HMCN1: variants seen among roughly 807,000 people sequenced by gnomAD.
The protein encoded by HMCN1 is hemicentin-1.
Under a neutral mutation model 625.9 loss-of-function variants are expected in HMCN1, and 321 were observed. That is an observed-to-expected ratio of 0.51 (90% CI 0.47 to 0.56). The LOEUF (loss-of-function observed/expected upper bound fraction) is 0.56. Among genes scored for constraint, HMCN1 ranks in the 20% least tolerant of loss-of-function variants. The pLI is 0.00. For missense variants in HMCN1, 6,588 were observed against 6,887.3 expected, an observed-to-expected ratio of 0.96 and a Z score of 1.54; for synonymous variants, 2,425 against 2,417.6, an observed-to-expected ratio of 1.00 and a Z score of -0.09.
Position 186,003,857 on chromosome 1 carries a change from T to A in HMCN1, c.4475+13T>A, listed in dbSNP as rs745566170. The stretch of plus-strand genomic sequence containing the variant: ...TCAAAGATGGCAAGTGAGTATCTTT[T>A]CTGTATTTGTTGCAAGGTTTCAATG... On this transcript the variant is annotated intron_variant, in intron 29 of 106. Coordinates refer to ENST00000271588, the MANE Select transcript of HMCN1 (RefSeq NM_031935.3). 1 of 1,612,578 alleles carries A rather than the reference T, an allele frequency of 6.2e-7. No homozygotes were observed. The highest frequency in any genetic ancestry group is 1.1e-5 in the South Asian group (1 of 91,068).
intron 1 of HMCN1, among the ~76,000 whole-genome samples, chr1:185,752,831 A>G (rs1654902196): frequency 6.6e-6 from 1 of 152,198 alleles, no homozygotes; most frequent in Non-Finnish European, 1.5e-5. Context: ...TATACTTCCC[A>G]TTAGGCTAGC....
At chr1:185,796,636 G>C (rs961753182) in intron 1 of HMCN1, among the ~76,000 whole-genome samples, 25 of 152,074 alleles carry the variant, frequency 1.6e-4, no homozygotes, top group African/African-American at 6.0e-4. Context: ...CTGTGTGTGT[G>C]TGTGTGTGTG....
chr1:186,136,096 A>C (rs1377760183), intron 86 of HMCN1, among the ~76,000 whole-genome samples: 1 of 152,074 alleles, frequency 6.6e-6, no homozygotes, highest in African/African-American at 2.4e-5. Context: ...GAATTGCTTG[A>C]ACCCTGGAGG....
At chr1:186,074,920 G>A (rs1441665588) in intron 53 of HMCN1, 29 bp downstream of exon 53, 7 of 1,519,914 alleles carry the variant, frequency 4.6e-6, no homozygotes, top group Non-Finnish European at 6.4e-6. Flanking sequence ...TGTATATAAT[G>A]TAATTTATAT....
chr1:185,818,242 G>T (rs1659963945), intron 1 of HMCN1, among the ~76,000 whole-genome samples: 1 of 152,036 alleles, frequency 6.6e-6, no homozygotes, highest in African/African-American at 2.4e-5. Flanking sequence ...TACCTAAGTT[G>T]CCCCTAAAAA....
chr1:185,871,167 T>G (rs1037468965), intron 4 of HMCN1, among the ~76,000 whole-genome samples: 12 of 149,718 alleles, frequency 8.0e-5, no homozygotes, highest in African/African-American at 2.7e-4. Context: ...AGGCAGAAGT[T>G]GCAGTGAGCC....
At chr1:185,885,991 A>AT (rs1294345816) in intron 4 of HMCN1, among the ~76,000 whole-genome samples, 2 of 152,208 alleles carry the variant, frequency 1.3e-5, no homozygotes, top group Non-Finnish European at 2.9e-5. Flanking sequence ...CCAATTGGAA[A>AT]TCTACCTTTT....
At chr1:185,772,304 C>G (rs747463981) in intron 1 of HMCN1, among the ~76,000 whole-genome samples, 1 of 152,006 alleles carries the variant, frequency 6.6e-6, no homozygotes, top group Non-Finnish European at 1.5e-5. Context: ...AGATAACTCT[C>G]AAAACTGGAG....
At position 186,095,538 on chromosome 1, in the gene HMCN1, G is replaced by T; in HGVS notation, c.10573+17G>T. The T allele has an allele frequency of 6.2e-7, 1 of 1,609,554 alleles. No homozygotes were observed. Among genetic ancestry groups the T allele is most frequent in the Non-Finnish European group, 8.5e-7 (1 of 1,176,492 alleles). On this transcript the variant is annotated intron_variant, in intron 68 of 106. Transcript: ENST00000271588. ...AGGTCCTAGGTATGTAAACATTGTG[G>T]TAAATGTAGAATAATTGGAAAGTAA...
chr1:185,902,739 T>C (rs1003707621), intron 4 of HMCN1, among the ~76,000 whole-genome samples: 2 of 151,712 alleles, frequency 1.3e-5, no homozygotes, highest in African/African-American at 4.8e-5. Flanking sequence ...TTTGAAGTTT[T>C]TTCCTGCTTT....
chr1:186,108,525 G>A lies in HMCN1; in HGVS notation c.10917G>A (p.Val3639=). Residue 3639 remains valine, a synonymous_variant, in exon 71 of 107, where the codon GTG becomes GTA. Transcript: ENST00000271588. ...RDITVLRNRQ[V]TLECKSDAVP... ...TCACTGTGTTACGGAACAGACAAGTGACATTGGAATGCAAGTCAGATGCAG... is the reference window on the plus strand; with the variant it reads ...TCACTGTGTTACGGAACAGACAAGTAACATTGGAATGCAAGTCAGATGCAG... 1 of 1,614,118 alleles carries A rather than the reference G, an allele frequency of 6.2e-7. No individual in the cohort carries two copies. The highest frequency in any genetic ancestry group is 1.1e-5 in the South Asian group (1 of 91,078).
At chr1:185,892,555 T>C (rs926742923) in intron 4 of HMCN1, among the ~76,000 whole-genome samples, 1 of 152,114 alleles carries the variant, frequency 6.6e-6, no homozygotes, top group African/African-American at 2.4e-5. Flanking sequence ...TGCAGGTCTG[T>C]TGGAGTACCC....
intron 41 of HMCN1, among the ~76,000 whole-genome samples, chr1:186,046,399 G>A (rs1312446111): frequency 1.3e-5 from 2 of 152,094 alleles, no homozygotes; most frequent in African/African-American, 4.8e-5. Flanking sequence ...AACCCGGGAG[G>A]TGGAGGTTGC....
intron 24 of HMCN1, among the ~76,000 whole-genome samples, chr1:185,995,736 A>C (rs527559760): frequency 1.3e-5 from 2 of 152,100 alleles, no homozygotes; most frequent in Non-Finnish European, 2.9e-5. Flanking sequence ...CCTATGTTAG[A>C]TTAGACTATC....
In HMCN1 at chr1:186,048,854, C is replaced by G; in HGVS notation, c.6577+15C>G. ...CAACATTTGGGGTAAGTGTAATCAG[C>G]TCTTGAAAGCAAATAATGCAGCTGT... On this transcript the variant is annotated intron_variant, in intron 42 of 106. Coordinates refer to ENST00000271588, the MANE Select transcript of HMCN1 (RefSeq NM_031935.3). 1 of 1,482,202 alleles carries G rather than the reference C, an allele frequency of 6.7e-7. No homozygotes were observed. The highest frequency in any genetic ancestry group is 9.4e-7 in the Non-Finnish European group (1 of 1,062,330). 91.8% of individuals were successfully genotyped at this position (1,482,202 alleles called of 1,614,324 possible).
chr1:185,920,254 C>CA (rs201704975), intron 6 of HMCN1, among the ~76,000 whole-genome samples: 2,042 of 152,008 alleles, frequency 0.013, 33 homozygotes, highest in African/African-American at 0.045. Context: ...TATGTTTAAA[C>CA]CAGTGTTAGT....
At chr1:186,063,481 G>T (rs965715700) in intron 48 of HMCN1, among the ~76,000 whole-genome samples, 7 of 144,472 alleles carry the variant, frequency 4.8e-5, no homozygotes, top group Non-Finnish European at 4.6e-5. Flanking sequence ...AAGGAAGGAA[G>T]GAAGGAAGGA....
chr1:185,982,901 G>T (rs530555998), intron 18 of HMCN1, among the ~76,000 whole-genome samples: 57 of 152,160 alleles, frequency 3.7e-4, no homozygotes, highest in South Asian at 1.2e-3. Flanking sequence ...ATAAAATGGA[G>T]AAATAGTGTT....
At chr1:185,932,760 A>G (rs981784995) in intron 10 of HMCN1, among the ~76,000 whole-genome samples, 2 of 152,062 alleles carry the variant, frequency 1.3e-5, no homozygotes. Context: ...GGACAGGTCA[A>G]TAGGTGCAGC....
Sources: gnomAD v4.1 joint callset for allele counts (sites outside exome capture counted in the v4.1 genomes callset) on GRCh38, gnomAD v4.1.1 for gene constraint, MANE v1.5 for transcripts, NCBI Gene and HGNC (gene_info 2026-07-23, HGNC 2026-07-21) for gene names.